The following RFTN1 variants were observed in gnomAD, a reference collection of about 807,000 sequenced individuals.
RFTN1 encodes the protein raftlin, lipid raft linker 1.
Under a neutral mutation model 46.5 loss-of-function variants are expected in RFTN1, and 26 were observed. That is an observed-to-expected ratio of 0.56 (90% CI 0.41 to 0.78). The LOEUF is 0.78. Among genes scored for constraint, RFTN1 ranks in the 30% least tolerant of loss-of-function variants. The pLI, the probability that RFTN1 is intolerant of heterozygous loss-of-function variation, is 0.00. For missense variants in RFTN1, 693 were observed against 718.7 expected (o/e 0.96, Z 0.41); for synonymous variants, 261 against 284.2 (o/e 0.92, Z 0.82).
Position 16,356,716 on chromosome 3 carries a change from G to T in RFTN1, c.1146+1216C>A, listed in dbSNP as rs189911967. On this transcript the variant is annotated intron_variant, in intron 7 of 9. Transcript: ENST00000334133. This position sits in a 1 kb window ranked among gnomAD's most constrained non-coding sequence, Gnocchi z 4.9. ...CCCAGTGCCCCACACTCCTCACAAA[G>T]GGTTGTATCCACCTCTGTCTTCCCT... is the stretch of plus-strand genomic sequence containing the variant. Among the ~76,000 whole-genome samples the T allele has an allele frequency of 6.6e-6, 1 of 152,336 alleles. No homozygotes were observed. The highest frequency in any genetic ancestry group is 1.5e-5 in the Non-Finnish European group (1 of 68,024).
At chr3:16,491,724 TG>T (rs1357359441) in intron 2 of RFTN1, among the ~76,000 whole-genome samples, 1 of 149,884 alleles carries the variant, frequency 6.7e-6, no homozygotes, top group Non-Finnish European at 1.5e-5. Flanking sequence ...TTCGTCATAA[TG>T]AAAAACACAT....
chr3:16,399,346 C>T (rs2074549106), intron 4 of RFTN1, among the ~76,000 whole-genome samples: 1 of 152,146 alleles, frequency 6.6e-6, no homozygotes, highest in Non-Finnish European at 1.5e-5. Context: ...GGATAAATGG[C>T]AGCGGTTTTT....
rs917903466 is a variant in RFTN1, at chr3:16,451,600, C to G, written c.146-17563G>C. 5.3e-5 allele frequency among the ~76,000 whole-genome samples: 8 copies of G among 152,170 alleles called. No individual in the cohort carries two copies. The highest frequency in any genetic ancestry group is 1.5e-5 in the Non-Finnish European group (1 of 68,032). On this transcript the variant is annotated intron_variant, in intron 2 of 9. Transcript: ENST00000334133. The surrounding 1 kb of genome is among the most constrained non-coding windows in gnomAD (Gnocchi z 4.2). ...AGATAGTAAAGAACCCAATTGCTGC[C>G]AATCAGAGCACATTTCTCTTCGTGT...
At chr3:16,365,374 A>G (rs1359989593) in intron 6 of RFTN1, among the ~76,000 whole-genome samples, 2 of 152,248 alleles carry the variant, frequency 1.3e-5, no homozygotes, top group Non-Finnish European at 2.9e-5. Flanking sequence ...ATGTTAAGAA[A>G]GTACAAAAAG....
At chr3:16,436,814 A>T (rs2075526123) in intron 2 of RFTN1, among the ~76,000 whole-genome samples, 1 of 152,182 alleles carries the variant, frequency 6.6e-6, no homozygotes, top group Admixed American at 6.5e-5. Flanking sequence ...AAACAATTTT[A>T]ATTTCATATT....
rs1307328933 is a variant in RFTN1, at chr3:16,400,477, C to T, written c.441+8898G>A. Among the ~76,000 whole-genome samples, 1 of 152,196 alleles carries T rather than the reference C, an allele frequency of 6.6e-6. No individual in the cohort carries two copies. The highest frequency in any genetic ancestry group is 2.4e-5 in the African/African-American group (1 of 41,442). The stretch of plus-strand genomic sequence containing the variant: ...GTGCCCATCTGCTCTGTGTCTGTGC[C>T]CTCAGCTAGACTCTAAGTTTCACGT... On this transcript the variant is annotated intron_variant, in intron 4 of 9. Transcript: ENST00000334133. This position sits in a 1 kb window ranked among gnomAD's most constrained non-coding sequence, Gnocchi z 4.5.
At chr3:16,366,959 A>G (rs773544116) in intron 6 of RFTN1, among the ~76,000 whole-genome samples, 18 of 152,240 alleles carry the variant, frequency 1.2e-4, no homozygotes, top group Non-Finnish European at 2.4e-4. Flanking sequence ...GCAGGAGCCC[A>G]AACTTGAGGA....
rs2076345760 is a variant in RFTN1 at position 16,480,358 on chromosome 3, A to C, written c.145+13367T>G. 6.6e-6 allele frequency among the ~76,000 whole-genome samples: 1 copy of C among 152,266 alleles called. No individual in the cohort carries two copies. The highest frequency in any genetic ancestry group is 1.5e-5 in the Non-Finnish European group (1 of 68,046). ...TTTAAGAGGGCCCAATGAGGCTGTC[A>C]AACTAATGTGTACTCCTCCTGATAA... On this transcript the variant is annotated intron_variant, in intron 2 of 9. Coordinates refer to ENST00000334133, the MANE Select transcript of RFTN1 (RefSeq NM_015150.2). This position sits in a 1 kb window ranked among gnomAD's most constrained non-coding sequence, Gnocchi z 4.3.
At chr3:16,404,891 C>T (rs2074815070) in intron 4 of RFTN1, among the ~76,000 whole-genome samples, 1 of 152,126 alleles carries the variant, frequency 6.6e-6, no homozygotes, top group South Asian at 2.1e-4. Flanking sequence ...GGACAAAGCC[C>T]TCTGCCCCTT....
At position 16,480,730 on chromosome 3, in the gene RFTN1, C is replaced by T. The variant is rs1028116796; in HGVS notation, c.145+12995G>A. On this transcript the variant is annotated intron_variant, in intron 2 of 9. Coordinates refer to ENST00000334133, the MANE Select transcript of RFTN1 (RefSeq NM_015150.2). The surrounding 1 kb of genome is among the most constrained non-coding windows in gnomAD (Gnocchi z 4.3). The stretch of plus-strand genomic sequence containing the variant: ...GTGGACCCAGTGAAATTAGAGAAAG[C>T]TTAAAATTCTTTAACGCAATATTGC... 8.5e-5 allele frequency among the ~76,000 whole-genome samples: 13 copies of T among 152,264 alleles called. No individual in the cohort carries two copies. The highest frequency in any genetic ancestry group is 3.1e-4 in the African/African-American group (13 of 41,556).
At position 16,342,853 on chromosome 3, in the gene RFTN1, A is replaced by G. The variant is rs1254791481; in HGVS notation, c.1146+15079T>C. 1.3e-5 allele frequency among the ~76,000 whole-genome samples: 2 copies of G among 152,096 alleles called. No homozygotes were observed. On this transcript the variant is annotated intron_variant, in intron 7 of 9. Coordinates refer to ENST00000334133, the MANE Select transcript of RFTN1 (RefSeq NM_015150.2). The surrounding 1 kb of genome is among the most constrained non-coding windows in gnomAD (Gnocchi z 4.0). ...GCTGCTAGGCCTGGCTGAATTTTTTACATGCAGTTCCCTAATCTCCACCCC... is the reference window on the plus strand; with the variant it reads ...GCTGCTAGGCCTGGCTGAATTTTTTGCATGCAGTTCCCTAATCTCCACCCC...
intron 2 of RFTN1, among the ~76,000 whole-genome samples, chr3:16,454,165 T>C (rs552218080): frequency 6.6e-6 from 1 of 152,346 alleles, no homozygotes; most frequent in African/African-American, 2.4e-5. Context: ...TTTCCATAGA[T>C]TTTAATAGTT....
At chr3:16,367,663 A>C (rs1263620628) in intron 6 of RFTN1, among the ~76,000 whole-genome samples, 1 of 124,678 alleles carries the variant, frequency 8.0e-6, no homozygotes, top group Non-Finnish European at 1.6e-5. Context: ...AAGGGAGGCT[A>C]TAACAGTATT....
intron 2 of RFTN1, among the ~76,000 whole-genome samples, chr3:16,437,728 G>T (rs201587604): frequency 3.3e-5 from 5 of 152,104 alleles, no homozygotes; most frequent in African/African-American, 1.2e-4. Flanking sequence ...AATACGGCTT[G>T]CACAATACTG....
At chr3:16,472,831 C>T (rs781317982) in intron 2 of RFTN1, among the ~76,000 whole-genome samples, 9 of 152,162 alleles carry the variant, frequency 5.9e-5, no homozygotes, top group East Asian at 1.9e-4. Flanking sequence ...CAATGTTACA[C>T]GACCGAAAGC....
At position 16,512,141 on chromosome 3, in the gene RFTN1, C is replaced by T. The variant is rs141692074; in HGVS notation, c.-9+1301G>A. Among the ~76,000 whole-genome samples the T allele has an allele frequency of 7.2e-5, 11 of 152,268 alleles. No individual in the cohort carries two copies. The East Asian group carries it at 1.9e-3, about 27-fold the overall frequency. On this transcript the variant is annotated intron_variant, in intron 1 of 9. Coordinates refer to ENST00000334133, the MANE Select transcript of RFTN1 (RefSeq NM_015150.2). The surrounding 1 kb of genome is among the most constrained non-coding windows in gnomAD (Gnocchi z 4.3). ...TGGGGTTTGGTGACATCTGGGGTCACTTGAACTTCGTTGGGATTCAGCTGT... is the reference window on the plus strand; with the variant it reads ...TGGGGTTTGGTGACATCTGGGGTCATTTGAACTTCGTTGGGATTCAGCTGT...
rs76811065 is a variant in RFTN1 at position 16,499,694 on chromosome 3, C to G, written c.-8-5817G>C. Among the ~76,000 whole-genome samples, 1 of 152,214 alleles carries G rather than the reference C, an allele frequency of 6.6e-6. No homozygotes were observed. Among genetic ancestry groups the G allele is most frequent in the Non-Finnish European group, 1.5e-5 (1 of 68,044 alleles). ...AAGCAACTTATATACCAAGTCTGCT[C>G]GAAATGACCATGGCCTGCCGCCTCC... On this transcript the variant is annotated intron_variant, in intron 1 of 9. Coordinates refer to ENST00000334133, the MANE Select transcript of RFTN1 (RefSeq NM_015150.2). The surrounding 1 kb of genome is among the most constrained non-coding windows in gnomAD (Gnocchi z 4.9).
At chr3:16,414,932 T>C (rs184838645) in intron 3 of RFTN1, among the ~76,000 whole-genome samples, 2 of 152,186 alleles carry the variant, frequency 1.3e-5, no homozygotes, top group Admixed American at 6.5e-5. Context: ...AGTATAGACA[T>C]TCAGGCCACA....
intron 4 of RFTN1, among the ~76,000 whole-genome samples, chr3:16,399,853 C>T (rs1406914684): frequency 1.3e-5 from 2 of 152,174 alleles, no homozygotes; most frequent in African/African-American, 4.8e-5. Context: ...TGCCTCGTTA[C>T]CCCATCCAGA....
Sources: gnomAD v4.1 joint callset for allele counts (sites outside exome capture counted in the v4.1 genomes callset) on GRCh38, gnomAD v4.1.1 for gene constraint, Gnocchi (gnomAD v3.1) non-coding constraint, MANE v1.5 for transcripts, NCBI Gene and HGNC (gene_info 2026-07-23, HGNC 2026-07-21) for gene names.